Variants in PLCH2 observed in about 807,000 individuals in gnomAD.
The protein encoded by PLCH2 is phospholipase C eta 2.
In PLCH2, 98 loss-of-function variants were observed where a neutral mutation model predicts 134.7. The observed-to-expected ratio is 0.73, with a 90% CI of 0.62 to 0.86. The LOEUF (loss-of-function observed/expected upper bound fraction) is 0.86. Among genes scored for constraint, PLCH2 ranks in the 40% least tolerant of loss-of-function variants. The probability of loss-of-function intolerance (pLI) is 0.00; values close to 1 mark genes in which losing one functional copy is unlikely to be tolerated. For synonymous variants in PLCH2, 974 were observed against 827.5 expected, an observed-to-expected ratio of 1.18 and a Z score of -3.04; for missense variants, 1,994 against 1,986.6, an observed-to-expected ratio of 1.00 and a Z score of -0.07.
chr1:2,480,234 G>A lies in PLCH2; in HGVS notation c.567G>A (p.Leu189=), dbSNP rs376702948. 1.4e-4 allele frequency: 231 copies of A among 1,612,716 alleles called. No individual in the cohort carries two copies. The highest frequency in any genetic ancestry group is 1.8e-4 in the Non-Finnish European group (207 of 1,179,852). Residue 189 remains leucine (L), a synonymous_variant, in exon 4 of 22, where the codon CTG becomes CTA. Coordinates refer to ENST00000378486, the MANE Select transcript of PLCH2 (RefSeq NM_014638.4). ...CCGACAAGAACGGGGATGGCAGCCT[G>A]AGCATTGGCGAGGTCCTGCAGCTGC... The part of the protein sequence containing the change: ...DEADKNGDGS[L]SIGEVLQLLH...
In PLCH2 at chr1:2,483,851, G is replaced by A. The variant is rs543116765; in HGVS notation, c.646-597G>A. 8.5e-5 allele frequency among the ~76,000 whole-genome samples: 12 copies of A among 142,000 alleles called. 2 individuals are homozygous for A. In the South Asian group the frequency reaches 1.1e-3, roughly 13 times the overall value. The allele number at this position is 142,000 out of a possible 152,430, so 93.2% of individuals were successfully genotyped here. A position where few individuals can be genotyped will look rare whatever the true frequency, so the allele number is the denominator to read the frequency against. ...CCGTGTGGGGGTGGCGCTGACCCCC[G>A]TGTGGGGTGGCGCTGACCCCCGTGT... On this transcript the variant is annotated intron_variant, in intron 4 of 21. Transcript: ENST00000378486.
intron 2 of PLCH2, chr1:2,479,280 AGCCCCCAGGGG>A: frequency 6.0e-6 from 1 of 167,906 alleles, no homozygotes; most frequent in Admixed American, 5.5e-5. Context: ...CGCGCTGCGG[AGCCCCCAGGGG>A]GACCTGAGGT....
chr1:2,434,156 C>A (rs1486669264), intron 2 of PLCH2, among the ~76,000 whole-genome samples: 2 of 152,272 alleles, frequency 1.3e-5, no homozygotes, highest in Non-Finnish European at 2.9e-5. Context: ...AGGCTCCCAC[C>A]TTCAGCTTCT....
upstream of PLCH2, among the ~76,000 whole-genome samples, chr1:2,471,435 G>A (rs900548480): frequency 6.6e-6 from 1 of 152,210 alleles, no homozygotes; most frequent in East Asian, 1.9e-4. Context: ...CTGCTTGGAG[G>A]GTCCAGTGGC....
chr1:2,483,923 GGGGCGCTGACTCCCGTGTGGGT>G lies in PLCH2; in HGVS notation c.646-522_646-501del, dbSNP rs1642140515. 8.9e-5 allele frequency among the ~76,000 whole-genome samples: 11 copies of G among 123,636 alleles called. 4 individuals are homozygous for G. The highest frequency in any genetic ancestry group is 2.7e-4 in the African/African-American group (9 of 33,076). The allele number at this position is 123,636 out of a possible 152,430, so 81.1% of individuals were successfully genotyped here. ...GGGGGGGCGCTGACTCCCGTGTGGG[GGGGCGCTGACTCCCGTGTGGGT>G]GGCGCTGACTCCCGTGTGGGGGGGC... is the stretch of plus-strand genomic sequence containing the variant. On this transcript the variant is annotated intron_variant, in intron 4 of 21. Coordinates refer to ENST00000378486, the MANE Select transcript of PLCH2 (RefSeq NM_014638.4).
At chr1:2,479,443 AG>A (rs1260659624) in intron 2 of PLCH2, 1 of 346,436 alleles carries the variant, frequency 2.9e-6, no homozygotes, top group African/African-American at 2.1e-5. Context: ...GCCCCGGGCC[AG>A]CCGGGCACTG....
At chr1:2,467,301 CGCCAGAGACCCCA>C (rs1641101665), upstream of PLCH2, among the ~76,000 whole-genome samples, 2 of 152,148 alleles carry the variant, frequency 1.3e-5, no homozygotes, top group African/African-American at 4.8e-5. Flanking sequence ...GCTCAGCTCC[CGCCAGAGACCCCA>C]GCCCAGGTGT....
upstream of PLCH2, among the ~76,000 whole-genome samples, chr1:2,422,130 A>G (rs1325554819): frequency 6.6e-5 from 10 of 151,098 alleles, no homozygotes; most frequent in Non-Finnish European, 1.3e-4. Flanking sequence ...TTAGCCGGGC[A>G]TGGTGGCAGG....
intron 2 of PLCH2, among the ~76,000 whole-genome samples, chr1:2,461,682 A>T (rs1640809709): frequency 6.6e-6 from 1 of 152,062 alleles, no homozygotes; most frequent in African/African-American, 2.4e-5. Context: ...GTGGGCCTCA[A>T]ATCCAGCTGT....
At chr1:2,480,109 C>G in intron 3 of PLCH2, 74 bp from the exon 4 acceptor site, 6 of 1,591,544 alleles carry the variant, frequency 3.8e-6, no homozygotes, top group Non-Finnish European at 5.1e-6. Context: ...CCTATTCCTT[C>G]CTCCCTAGGC....
Position 2,502,906 on chromosome 1 carries a change from C to T in PLCH2, c.2959+497C>T, listed in dbSNP as rs760671501. 2.9e-4 allele frequency: 207 copies of T among 717,096 alleles called. 1 individual carries two copies. Among genetic ancestry groups the T allele is most frequent in the Non-Finnish European group, 2.5e-4 (96 of 385,030 alleles). The allele number at this position is 717,096 out of a possible 1,614,324, so 44.4% of individuals were successfully genotyped here. On this transcript the variant is annotated intron_variant, in intron 21 of 21. Transcript: ENST00000378486. ...TCAGGAGTAAATCCCCCATGTTCTCCGCCGGTAAGCCCCTCTTGCCCTGCG... is the reference window on the plus strand; with the variant it reads ...TCAGGAGTAAATCCCCCATGTTCTCTGCCGGTAAGCCCCTCTTGCCCTGCG...
In PLCH2 at chr1:2,489,878, C is replaced by T. The variant is rs1240787853; in HGVS notation, c.1515+11C>T. 8.2e-6 allele frequency: 13 copies of T among 1,587,620 alleles called. No homozygotes were observed. The highest frequency in any genetic ancestry group is 1.1e-5 in the South Asian group (1 of 90,640). On this transcript the variant is annotated intron_variant, in intron 10 of 21. Transcript: ENST00000378486. ...CTCCTCAATGGGGATGTGAGTCGGG[C>T]TGGAGGTGGAGGGGGGCGCGTGGAG... is the stretch of plus-strand genomic sequence containing the variant.
At chr1:2,450,676 ACCCCCCTCTCCCCGCCTG>A (rs1640169818) in intron 2 of PLCH2, among the ~76,000 whole-genome samples, 2 of 7,524 alleles carry the variant, frequency 2.7e-4, no homozygotes, top group African/African-American at 9.2e-4. Context: ...CTCCCCGCCT[ACCCCCCTCTCCCCGCCTG>A]CCCCCCCGCT....
chr1:2,446,187 G>A (rs1639935381), intron 2 of PLCH2, among the ~76,000 whole-genome samples: 1 of 152,234 alleles, frequency 6.6e-6, no homozygotes. Context: ...TTGGACATCA[G>A]TGTACCCACT....
intron 2 of PLCH2, among the ~76,000 whole-genome samples, chr1:2,450,463 A>G (rs766496914): frequency 6.7e-6 from 1 of 149,732 alleles, no homozygotes; most frequent in African/African-American, 2.5e-5. Flanking sequence ...AAGTGCCCCC[A>G]ACTCGGCCTG....
intron 18 of PLCH2, 71 bp from the exon 19 acceptor site, chr1:2,499,013 G>A: frequency 1.3e-6 from 2 of 1,529,194 alleles, no homozygotes; most frequent in Non-Finnish European, 1.8e-6. Context: ...TGTGGGCCGG[G>A]GGCTCCAGGC....
intron 2 of PLCH2, among the ~76,000 whole-genome samples, chr1:2,447,797 C>T (rs1191630794): frequency 1.3e-5 from 2 of 152,194 alleles, no homozygotes; most frequent in South Asian, 2.1e-4. Flanking sequence ...GGGGTCTTTC[C>T]CTCAGCCCAC....
chr1:2,470,434 G>A lies in PLCH2; in HGVS notation c.43+2772G>A, dbSNP rs1033949242. On this transcript the variant is annotated intron_variant, in intron 1 of 21. Coordinates refer to the PLCH2 transcript ENST00000449969. ...ACAAGATCCCAGAAACTTCAGGCAG[G>A]GAAGCTCAGAGGGCCAGCTCCATCT... Among the ~76,000 whole-genome samples the A allele has an allele frequency of 4.6e-5, 7 of 152,222 alleles. No homozygotes were observed. In the South Asian group the frequency reaches 1.4e-3, roughly 31 times the overall value.
At chr1:2,462,494 G>A (rs577380981), upstream of PLCH2, among the ~76,000 whole-genome samples, 6 of 151,270 alleles carry the variant, frequency 4.0e-5, no homozygotes, top group Admixed American at 2.0e-4. Flanking sequence ...TGCCTGATGC[G>A]TGGTCTTGTC....
Sources: gnomAD v4.1 joint callset for allele counts (sites outside exome capture counted in the v4.1 genomes callset) on GRCh38, gnomAD v4.1.1 for gene constraint, MANE v1.5 for transcripts, NCBI Gene and HGNC (gene_info 2026-07-23, HGNC 2026-07-21) for gene names.